Variants in HPSE2 observed in about 807,000 individuals in gnomAD.
HPSE2 encodes inactive heparanase-2.
A neutral mutation model predicts 60.5 loss-of-function variants in HPSE2; 38 were observed. The observed-to-expected ratio is 0.63, with a 90% CI of 0.48 to 0.82. The LOEUF (loss-of-function observed/expected upper bound fraction) is 0.82, where lower values mean the gene tolerates loss of function less well. Among genes scored for constraint, HPSE2 ranks in the 40% least tolerant of loss-of-function variants. The pLI is 0.00. For missense variants in HPSE2, 713 were observed against 740.4 expected, an observed-to-expected ratio of 0.96 and a Z score of 0.43; for synonymous variants, 295 against 293.2, an observed-to-expected ratio of 1.01 and a Z score of -0.06.
intron 3 of HPSE2, among the ~76,000 whole-genome samples, chr10:99,054,016 G>A (rs772476907): frequency 4.6e-5 from 7 of 151,788 alleles, no homozygotes; most frequent in African/African-American, 7.3e-5. Flanking sequence ...GATTATAGGC[G>A]TGAGCCACTG....
At chr10:98,476,918 GA>G (rs2133626573) in intron 11 of HPSE2, among the ~76,000 whole-genome samples, 1 of 152,258 alleles carries the variant, frequency 6.6e-6, no homozygotes, top group East Asian at 1.9e-4. Context: ...ATTCTGTAAG[GA>G]GCCTATGATG....
intron 3 of HPSE2, among the ~76,000 whole-genome samples, chr10:98,892,583 G>T (rs1353644662): frequency 6.6e-6 from 1 of 152,136 alleles, no homozygotes; most frequent in African/African-American, 2.4e-5. Flanking sequence ...ATCCTTTATA[G>T]ATCTCTTTAG....
intron 3 of HPSE2, among the ~76,000 whole-genome samples, chr10:98,959,005 G>C (rs1331721687): frequency 6.6e-6 from 1 of 152,002 alleles, no homozygotes; most frequent in Non-Finnish European, 1.5e-5. Flanking sequence ...CTATTTTAAA[G>C]AGTTGATGTT....
chr10:99,189,819 T>C (rs1848157340), intron 2 of HPSE2, among the ~76,000 whole-genome samples: 1 of 152,162 alleles, frequency 6.6e-6, no homozygotes, highest in Non-Finnish European at 1.5e-5. Context: ...GAGACAGAAG[T>C]AAACCCTTGA....
intron 3 of HPSE2, among the ~76,000 whole-genome samples, chr10:98,916,254 A>G (rs890960095): frequency 6.6e-6 from 1 of 152,200 alleles, no homozygotes; most frequent in Non-Finnish European, 1.5e-5. Flanking sequence ...ATGGGAATGC[A>G]TTTTTGAGGA....
At chr10:99,153,770 G>C (rs1030330158) in intron 2 of HPSE2, among the ~76,000 whole-genome samples, 4 of 152,248 alleles carry the variant, frequency 2.6e-5, no homozygotes, top group Admixed American at 1.3e-4. Flanking sequence ...TTGACGAGCT[G>C]AGAGAAGAAG....
intron 9 of HPSE2, among the ~76,000 whole-genome samples, chr10:98,517,020 G>T (rs975683525): frequency 6.6e-6 from 1 of 152,172 alleles, no homozygotes; most frequent in Non-Finnish European, 1.5e-5. Flanking sequence ...TCTCTGAGTG[G>T]TTCTTAGTTT....
the HPSE2 span, among the ~76,000 whole-genome samples, chr10:99,303,849 T>G: frequency 6.9e-4 from 105 of 152,272 alleles, 1 homozygote; most frequent in East Asian, 0.012. Context: ...CACTAATTTT[T>G]TGCCCTTGCT....
intron 3 of HPSE2, among the ~76,000 whole-genome samples, chr10:98,774,359 T>G (rs1950298898): frequency 6.6e-6 from 1 of 152,132 alleles, no homozygotes; most frequent in African/African-American, 2.4e-5. Context: ...TCCACAGCTA[T>G]TAAAACAACA....
intron 3 of HPSE2, among the ~76,000 whole-genome samples, chr10:98,846,373 A>T (rs1372094449): frequency 6.6e-6 from 1 of 152,246 alleles, no homozygotes; most frequent in East Asian, 1.9e-4. Context: ...GAAGAAAATT[A>T]AACCTGGGTT....
intron 5 of HPSE2, among the ~76,000 whole-genome samples, chr10:98,696,302 A>C (rs1948213160): frequency 6.7e-6 from 1 of 149,770 alleles, no homozygotes; most frequent in Non-Finnish European, 1.5e-5. Context: ...TAAAAAAAAA[A>C]AAAAAAAAAA....
intron 3 of HPSE2, among the ~76,000 whole-genome samples, chr10:98,841,459 T>C (rs1418386209): frequency 6.6e-6 from 1 of 152,234 alleles, no homozygotes; most frequent in African/African-American, 2.4e-5. Context: ...GCTTTATTTG[T>C]ATTTAGCTTT....
intron 9 of HPSE2, among the ~76,000 whole-genome samples, chr10:98,523,173 G>A (rs112525649): frequency 6.6e-6 from 1 of 152,140 alleles, no homozygotes; most frequent in African/African-American, 2.4e-5. Flanking sequence ...AGGTAATTGT[G>A]GGTGAGTGAC....
intron 3 of HPSE2, among the ~76,000 whole-genome samples, chr10:99,096,697 T>G (rs759676952): frequency 6.3e-4 from 24 of 38,114 alleles, no homozygotes; most frequent in Admixed American, 4.0e-3. Flanking sequence ...AATTGTTGTG[T>G]TTTTTTTTTT....
At chr10:99,271,716 G>A in the HPSE2 span, among the ~76,000 whole-genome samples, 7 of 152,112 alleles carry the variant, frequency 4.6e-5, no homozygotes, top group Non-Finnish European at 8.8e-5. Flanking sequence ...GAACAAATCT[G>A]GAGATATTAC....
rs564791411 is a variant in HPSE2 at position 98,931,435 on chromosome 10, T to C, written c.611-187379A>G. ...CTGGCTTTGTTCTTTTTACTTAGGG[T>C]TGTCTTGGCTATGCAAGCTCTTTTT... On this transcript the variant is annotated intron_variant, in intron 3 of 11. Coordinates refer to ENST00000370552, the MANE Select transcript of HPSE2 (RefSeq NM_021828.5). Among the ~76,000 whole-genome samples, 5 of 144,428 alleles carry C rather than the reference T, an allele frequency of 3.5e-5. No individual in the cohort carries two copies. The East Asian group carries it at 7.8e-4, about 23-fold the overall frequency. The allele number at this position is 144,428 out of a possible 152,430, so 94.8% of individuals were successfully genotyped here. A position where few individuals can be genotyped will look rare whatever the true frequency, so the allele number is the denominator to read the frequency against.
Position 99,220,854 on chromosome 10 carries a change from C to CT in HPSE2, c.448+11493dup, listed in dbSNP as rs1210143115. ...AATGGAACATGAAGGGAGGCTTTCACTTTTTTTTTTTTTTTTTTTTGACGG... is the reference window on the plus strand; with the variant it reads ...AATGGAACATGAAGGGAGGCTTTCACTTTTTTTTTTTTTTTTTTTTTGACGG... On this transcript the variant is annotated intron_variant, in intron 2 of 11. Transcript: ENST00000370552. 1.5e-3 allele frequency among the ~76,000 whole-genome samples: 136 copies of CT among 88,608 alleles called. 2 individuals are homozygous for CT. The highest frequency in any genetic ancestry group is 2.2e-3 in the Non-Finnish European group (103 of 47,582). The allele number at this position is 88,608 out of a possible 152,430, so 58.1% of individuals were successfully genotyped here. A position where few individuals can be genotyped will look rare whatever the true frequency, so the allele number is the denominator to read the frequency against.
intron 3 of HPSE2, among the ~76,000 whole-genome samples, chr10:99,097,990 C>T (rs1269115650): frequency 2.0e-5 from 3 of 152,168 alleles, no homozygotes; most frequent in Non-Finnish European, 4.4e-5. Context: ...TTTGAAGGTT[C>T]TATACTTCCC....
At chr10:98,530,723 G>T (rs1460452493) in intron 9 of HPSE2, among the ~76,000 whole-genome samples, 1 of 152,174 alleles carries the variant, frequency 6.6e-6, no homozygotes, top group African/African-American at 2.4e-5. Context: ...TGTATACACA[G>T]CATCCACAGG....
Sources: gnomAD v4.1 joint callset for allele counts (sites outside exome capture counted in the v4.1 genomes callset) on GRCh38, gnomAD v4.1.1 for gene constraint, MANE v1.5 for transcripts, NCBI Gene and HGNC (gene_info 2026-07-23, HGNC 2026-07-21) for gene names.